The following GPHN variants were observed in gnomAD, a reference collection of about 807,000 sequenced individuals.
GPHN encodes the protein gephyrin.
Under a neutral mutation model 95.5 loss-of-function variants are expected in GPHN, and 17 were observed. The observed-to-expected ratio is 0.18, with a 90% CI of 0.12 to 0.27. The LOEUF (loss-of-function observed/expected upper bound fraction) is 0.27, where lower values mean the gene tolerates loss of function less well. Among genes scored for constraint, GPHN ranks in the 10% least tolerant of loss-of-function variants. GPHN has a pLI of 1.00. For missense variants in GPHN, 660 were observed against 978.1 expected (o/e 0.67, Z 4.34); for synonymous variants, 320 against 322.5 (o/e 0.99, Z 0.08).
chr14:67,645,592 G>A, the GPHN span: 26 of 1,578,616 alleles, frequency 1.6e-5, no homozygotes, highest in African/African-American at 2.0e-4. Flanking sequence ...GTTTGTTATC[G>A]GTCATGTTTG....
At chr14:67,471,768 C>G in the GPHN span, 2 of 152,354 alleles carry the variant, frequency 1.3e-5, no homozygotes, top group South Asian at 4.1e-4. Flanking sequence ...TGCACCCCAC[C>G]ACACCCTGCA....
chr14:66,562,719 G>T (rs1419937776), intron 1 of GPHN, among the ~76,000 whole-genome samples: 5 of 152,084 alleles, frequency 3.3e-5, no homozygotes, highest in Admixed American at 6.6e-5. Flanking sequence ...GAAGATAAGG[G>T]ATAGTATGGT....
At chr14:67,115,923 A>G (rs2078662244) in intron 16 of GPHN, among the ~76,000 whole-genome samples, 1 of 152,186 alleles carries the variant, frequency 6.6e-6, no homozygotes, top group African/African-American at 2.4e-5. Context: ...AATTATTTCA[A>G]AATTGGGGAT....
chr14:66,516,101 G>A (rs2058233852), intron 1 of GPHN, among the ~76,000 whole-genome samples: 1 of 151,772 alleles, frequency 6.6e-6, no homozygotes, highest in Non-Finnish European at 1.5e-5. Context: ...CTGCCTCCCG[G>A]GTTCAAGTGA....
At chr14:67,132,750 C>G (rs1231266871) in intron 17 of GPHN, among the ~76,000 whole-genome samples, 2 of 151,764 alleles carry the variant, frequency 1.3e-5, no homozygotes, top group African/African-American at 4.8e-5. Flanking sequence ...GTTTTCCTAC[C>G]CCAAACTCAT....
chr14:67,086,965 A>G (rs775670672), intron 11 of GPHN, among the ~76,000 whole-genome samples: 10 of 146,426 alleles, frequency 6.8e-5, no homozygotes, highest in Admixed American at 1.4e-4. Context: ...GTGAACCCAG[A>G]AGGCGGAGCT....
rs371652110 is a variant in GPHN at position 66,523,221 on chromosome 14, A to G, written c.64+14630A>G. 2.6e-5 allele frequency among the ~76,000 whole-genome samples: 4 copies of G among 152,202 alleles called. No homozygotes were observed. In the East Asian group the frequency reaches 7.7e-4, roughly 29 times the overall value. On this transcript the variant is annotated intron_variant, in intron 1 of 22. Coordinates refer to ENST00000478722, the MANE Select transcript of GPHN (RefSeq NM_020806.5). ...TTACTTCCACTGCACAATATGTGCAATTTTATTTCATTCAATATCATGTGC... is the reference window on the plus strand; with the variant it reads ...TTACTTCCACTGCACAATATGTGCAGTTTTATTTCATTCAATATCATGTGC...
chr14:67,572,193 C>T, the GPHN span: 1 of 1,608,784 alleles, frequency 6.2e-7, no homozygotes, highest in African/African-American at 1.3e-5. Context: ...CGGACGCCTG[C>T]TCACTGGACA....
the GPHN span, chr14:67,579,766 C>A: frequency 5.6e-6 from 9 of 1,612,702 alleles, no homozygotes; most frequent in Non-Finnish European, 7.6e-6. Context: ...GTTCCTCCAG[C>A]GGCTGAACCA....
At chr14:66,723,725 G>A (rs192804120) in intron 2 of GPHN, among the ~76,000 whole-genome samples, 21 of 152,020 alleles carry the variant, frequency 1.4e-4, no homozygotes, top group African/African-American at 2.9e-4. Flanking sequence ...ATTATATGTC[G>A]TATTATGTTT....
chr14:67,611,623 G>A, the GPHN span, among the ~76,000 whole-genome samples: 1 of 151,880 alleles, frequency 6.6e-6, no homozygotes, highest in African/African-American at 2.4e-5. Flanking sequence ...ACTTTGTATC[G>A]GTTGCAAAGA....
chr14:67,438,776 G>C, the GPHN span, among the ~76,000 whole-genome samples: 4 of 149,696 alleles, frequency 2.7e-5, no homozygotes, highest in Non-Finnish European at 5.9e-5. Flanking sequence ...CAGGAGAATT[G>C]CTTGAACCCA....
At chr14:66,637,869 G>A (rs549109453) in intron 1 of GPHN, among the ~76,000 whole-genome samples, 1 of 152,148 alleles carries the variant, frequency 6.6e-6, no homozygotes, top group South Asian at 2.1e-4. Flanking sequence ...CAACACCAAG[G>A]TCCATTGGAT....
the GPHN span, chr14:67,645,763 A>G: frequency 6.2e-7 from 1 of 1,614,064 alleles, no homozygotes; most frequent in Non-Finnish European, 8.5e-7. Context: ...ATCTCCATGG[A>G]CAGCCAGTTT....
the GPHN span, chr14:67,385,454 A>T: frequency 1.3e-5 from 2 of 150,346 alleles, no homozygotes; most frequent in East Asian, 3.9e-4. Context: ...AAAAAAAAAA[A>T]AACCAAAAAT....
At chr14:67,474,096 A>G in the GPHN span, among the ~76,000 whole-genome samples, 1 of 152,166 alleles carries the variant, frequency 6.6e-6, no homozygotes, top group African/African-American at 2.4e-5. Flanking sequence ...TACTAAAAAT[A>G]CAAAAATTAG....
At chr14:67,674,593 C>T in the GPHN span, 2 of 894,114 alleles carry the variant, frequency 2.2e-6, no homozygotes, top group African/African-American at 1.8e-5. Flanking sequence ...CGGCGACCGC[C>T]GCACCACCGC....
the GPHN span, among the ~76,000 whole-genome samples, chr14:67,669,442 T>C: frequency 6.6e-6 from 1 of 151,634 alleles, no homozygotes; most frequent in African/African-American, 2.4e-5. Context: ...TCAGCTTTTT[T>C]TTTTTTGTAG....
intron 1 of GPHN, among the ~76,000 whole-genome samples, chr14:66,655,234 C>A (rs2065242143): frequency 6.6e-6 from 1 of 152,194 alleles, no homozygotes; most frequent in Middle Eastern, 3.4e-3. Flanking sequence ...AATGTTGAGT[C>A]TAACAATCTG....
Sources: allele counts gnomAD v4.1 joint callset (sites outside exome capture counted in the v4.1 genomes callset), GRCh38; gene constraint gnomAD v4.1.1; transcripts MANE v1.5; gene names NCBI Gene and HGNC (gene_info 2026-07-23, HGNC 2026-07-21).